ELAVL2: variants seen among roughly 807,000 people sequenced by gnomAD.
ELAVL2 encodes ELAV-like protein 2.
A neutral mutation model predicts 34.6 loss-of-function variants in ELAVL2; 4 were observed. The observed-to-expected ratio is 0.12, with a 90% CI of 0.06 to 0.26. ELAVL2 has a LOEUF of 0.26. Among genes scored for constraint, ELAVL2 ranks in the 10% least tolerant of loss-of-function variants. The pLI, the probability that ELAVL2 is intolerant of heterozygous loss-of-function variation, is 1.00. For synonymous variants in ELAVL2, 193 were observed against 154.8 expected (o/e 1.25, Z -1.83); for missense variants, 432 against 442.8 (o/e 0.98, Z 0.22).
At position 23,754,131 on chromosome 9, in the gene ELAVL2, G is replaced by A. The variant is rs779094550; in HGVS notation, c.229+7875C>T. 2.0e-3 allele frequency among the ~76,000 whole-genome samples: 302 copies of A among 152,010 alleles called. 1 individual carries two copies. Among genetic ancestry groups the A allele is most frequent in the Non-Finnish European group, 5.1e-4 (35 of 68,024 alleles). On this transcript the variant is annotated intron_variant, in intron 2 of 6. Transcript: ENST00000397312. ...AAAACTGTATAACTGTCTCGTGGGAGTGACACATATTTTTTTTTACATTTT... is the reference window on the plus strand; with the variant it reads ...AAAACTGTATAACTGTCTCGTGGGAATGACACATATTTTTTTTTACATTTT...
chr9:23,772,502 T>C (rs555839775), intron 1 of ELAVL2, among the ~76,000 whole-genome samples: 208 of 127,008 alleles, frequency 1.6e-3, no homozygotes, highest in African/African-American at 6.1e-3. Context: ...GAAAACCAAA[T>C]GCTACACTGT....
intron 2 of ELAVL2, among the ~76,000 whole-genome samples, chr9:23,753,721 G>A (rs1272266325): frequency 6.6e-6 from 1 of 151,954 alleles, no homozygotes; most frequent in African/African-American, 2.4e-5. Context: ...CTTAAATTGA[G>A]AATGGTGTCT....
At chr9:23,705,093 A>G in intron 3 of ELAVL2, 22 bp from the exon 4 acceptor site, 3 of 1,613,654 alleles carry the variant, frequency 1.9e-6, no homozygotes, top group Non-Finnish European at 8.5e-7. Context: ...AAATAAAATT[A>G]AATGTATATG....
At chr9:23,765,125 G>T (rs575344303) in intron 1 of ELAVL2, 1 of 1,570,648 alleles carries the variant, frequency 6.4e-7, no homozygotes, top group Non-Finnish European at 8.6e-7. Context: ...AAAAAGTACC[G>T]TATGTTAGAT....
intron 1 of ELAVL2, among the ~76,000 whole-genome samples, chr9:23,784,320 C>T (rs1004128168): frequency 5.9e-5 from 9 of 152,250 alleles, no homozygotes; most frequent in Admixed American, 5.9e-4. Flanking sequence ...TTTAGAATTG[C>T]AGTTCATGCC....
intron 2 of ELAVL2, chr9:23,735,105 C>CAAAGAAAAAAAAAAAAAAAAA (rs2047511631): frequency 3.6e-5 from 1 of 27,952 alleles, no homozygotes; most frequent in African/African-American, 1.4e-4. Context: ...TAAGGCTCTT[C>CAAAGAAAAAAAAAAAAAAAAA]AAAAAAAAAA....
At chr9:23,765,558 T>C (rs975459322) in intron 1 of ELAVL2, among the ~76,000 whole-genome samples, 1 of 152,096 alleles carries the variant, frequency 6.6e-6, no homozygotes, top group South Asian at 2.1e-4. Flanking sequence ...CAGAAAGACA[T>C]TAAGAGAAGC....
chr9:23,813,848 T>C (rs138374610), intron 1 of ELAVL2, among the ~76,000 whole-genome samples: 2 of 152,092 alleles, frequency 1.3e-5, no homozygotes, highest in Non-Finnish European at 2.9e-5. Context: ...CAAACGAATA[T>C]AAAACCTTTA....
In ELAVL2 at chr9:23,704,919, A is replaced by G. The variant is rs778552185; in HGVS notation, c.486T>C (p.Thr162=). 1 of 1,614,064 alleles carries G rather than the reference A, an allele frequency of 6.2e-7. No homozygotes were observed. Among genetic ancestry groups the G allele is most frequent in the Non-Finnish European group, 8.5e-7 (1 of 1,179,972 alleles). Residue 162 remains threonine, a splice_region_variant and synonymous_variant, in exon 4 of 7, where the codon ACT becomes ACC. Coordinates refer to ENST00000397312, the MANE Select transcript of ELAVL2 (RefSeq NM_004432.5). ...ITSRILVDQV[T]GISRGVGFIR... Reference sequence around the variant, plus strand: ...TGTCCGGAGTGGCTGTCTACTTACCAGTGACCTGGTCGACAAGAATACGAG... The same window carrying G: ...TGTCCGGAGTGGCTGTCTACTTACCGGTGACCTGGTCGACAAGAATACGAG...
intron 1 of ELAVL2, among the ~76,000 whole-genome samples, chr9:23,773,317 A>G (rs554295134): frequency 7.2e-5 from 11 of 152,156 alleles, no homozygotes; most frequent in African/African-American, 2.7e-4. Context: ...ACATACACCC[A>G]ATTTCGAACA....
intron 5 of ELAVL2, 66 bp from the exon 6 acceptor site, chr9:23,693,552 G>C (rs2033982912): frequency 6.4e-7 from 1 of 1,553,030 alleles, no homozygotes. Flanking sequence ...AGAAAGTTGG[G>C]CTCATTACTG....
At chr9:23,695,440 G>A (rs1273732487) in intron 5 of ELAVL2, among the ~76,000 whole-genome samples, 1 of 152,094 alleles carries the variant, frequency 6.6e-6, no homozygotes, top group Non-Finnish European at 1.5e-5. Context: ...CCCAGAGACA[G>A]ATGAGTTTTC....
chr9:23,708,924 C>T (rs1308208463), intron 3 of ELAVL2, among the ~76,000 whole-genome samples: 4 of 152,156 alleles, frequency 2.6e-5, no homozygotes, highest in Non-Finnish European at 4.4e-5. Context: ...AGGCATGAGC[C>T]ACCACGCCCG....
chr9:23,799,348 C>T (rs1226472171), intron 1 of ELAVL2, among the ~76,000 whole-genome samples: 1 of 152,108 alleles, frequency 6.6e-6, no homozygotes, highest in Non-Finnish European at 1.5e-5. Context: ...GTTTCCCATC[C>T]CGCATTTTAA....
intron 1 of ELAVL2, among the ~76,000 whole-genome samples, chr9:23,789,631 G>A (rs907192667): frequency 3.9e-5 from 6 of 152,108 alleles, no homozygotes; most frequent in South Asian, 4.2e-4. Context: ...TGATTTCCAC[G>A]CACTCAGCAG....
rs74646566 is a variant in ELAVL2, at chr9:23,759,970, G to A, written c.229+2036C>T. Among the ~76,000 whole-genome samples the A allele has an allele frequency of 3.8e-3, 574 of 151,446 alleles. 15 individuals carry two copies. In the East Asian group the frequency reaches 0.065, roughly 17 times the overall value. On this transcript the variant is annotated intron_variant, in intron 2 of 6. Coordinates refer to ENST00000397312, the MANE Select transcript of ELAVL2 (RefSeq NM_004432.5). ...AAGACAACAGGCAGGGGTCAGAGGT[G>A]AAGGAAATGGATGAGAAATATTTAC...
At chr9:23,758,197 CG>C (rs2054035541) in intron 2 of ELAVL2, among the ~76,000 whole-genome samples, 1 of 152,030 alleles carries the variant, frequency 6.6e-6, no homozygotes, top group African/African-American at 2.4e-5. Flanking sequence ...CTGCACAAGA[CG>C]GGTAATGCTA....
At chr9:23,812,630 T>G (rs1018045519) in intron 1 of ELAVL2, among the ~76,000 whole-genome samples, 9 of 152,096 alleles carry the variant, frequency 5.9e-5, no homozygotes, top group African/African-American at 2.2e-4. Context: ...ACCAAGAATT[T>G]TTAAGTGCCT....
chr9:23,727,014 C>T lies in ELAVL2; in HGVS notation c.333+4008G>A, dbSNP rs544997079. Among the ~76,000 whole-genome samples, 6 of 152,180 alleles carry T rather than the reference C, an allele frequency of 3.9e-5. No individual in the cohort carries two copies. In the South Asian group the frequency reaches 1.0e-3, roughly 26 times the overall value. ...TGACACTTCCATGAGATTACTCCCC[C>T]ACCCCCATGCCTGAACTGTACACAT... On this transcript the variant is annotated intron_variant, in intron 3 of 6. Coordinates refer to ENST00000397312, the MANE Select transcript of ELAVL2 (RefSeq NM_004432.5).
Sources: allele counts gnomAD v4.1 joint callset (sites outside exome capture counted in the v4.1 genomes callset), GRCh38; gene constraint gnomAD v4.1.1; transcripts MANE v1.5; gene names NCBI Gene and HGNC (gene_info 2026-07-23, HGNC 2026-07-21).